Variants in MAML2 observed in about 807,000 individuals in gnomAD.
MAML2 encodes the protein mastermind-like protein 2.
MAML2 carries 22 observed loss-of-function variants against 96.1 expected under a neutral mutation model. That is an observed-to-expected ratio of 0.23 (90% CI 0.16 to 0.33). MAML2 has a LOEUF of 0.33. Ranked by LOEUF, MAML2 falls within the 10% of genes least tolerant of loss-of-function variation. The pLI is 1.00. For missense variants in MAML2, 1,367 were observed against 1,392.4 expected (o/e 0.98, Z 0.29); for synonymous variants, 561 against 521.3 (o/e 1.08, Z -1.04).
At position 96,092,210 on chromosome 11, in the gene MAML2, TTGC is replaced by T. The variant is rs60727839; in HGVS notation, c.1818_1820del (p.Gln621del). The T allele has an allele frequency of 0.013, 19,390 of 1,459,288 alleles. 68 individuals are homozygous for T. The highest frequency in any genetic ancestry group is 0.037 in the South Asian group (2,965 of 80,974). 90.4% of individuals were successfully genotyped at this position (1,459,288 alleles called of 1,614,324 possible). On this transcript the variant is annotated inframe_deletion, in exon 2 of 5. Coordinates refer to ENST00000524717, the MANE Select transcript of MAML2 (RefSeq NM_032427.4). The surrounding 1 kb of genome is among the most constrained non-coding windows in gnomAD (Gnocchi z 4.1). The stretch of plus-strand genomic sequence containing the variant: ...GTTGCTGTTGCTGCTGCTGCTGCTG[TTGC>T]TGCTGCTGCTGCTGCTGCTGCTGCT...
intron 2 of MAML2, among the ~76,000 whole-genome samples, chr11:96,013,991 G>A (rs768095465): frequency 1.7e-4 from 26 of 152,144 alleles, no homozygotes; most frequent in African/African-American, 4.3e-4. Flanking sequence ...AAGAGAGCAC[G>A]CTGTAACACA....
intron 2 of MAML2, among the ~76,000 whole-genome samples, chr11:96,030,402 A>G (rs564154136): frequency 3.5e-4 from 53 of 152,270 alleles, no homozygotes; most frequent in African/African-American, 1.2e-3. Context: ...TGAATAGATA[A>G]ACAGAATAGA....
At chr11:96,164,026 AT>A (rs1194156326) in intron 1 of MAML2, among the ~76,000 whole-genome samples, 1 of 148,322 alleles carries the variant, frequency 6.7e-6, no homozygotes, top group Non-Finnish European at 1.5e-5. Flanking sequence ...ACGCCTGGCT[AT>A]TTTTTTTTGT....
intron 1 of MAML2, among the ~76,000 whole-genome samples, chr11:96,191,426 C>T (rs1213749462): frequency 6.6e-6 from 1 of 150,390 alleles, no homozygotes; most frequent in Non-Finnish European, 1.5e-5. Flanking sequence ...GACCACACCA[C>T]TGCACTCCAG....
At chr11:96,054,043 T>A (rs1366800165) in intron 2 of MAML2, among the ~76,000 whole-genome samples, 2 of 152,150 alleles carry the variant, frequency 1.3e-5, no homozygotes, top group African/African-American at 4.8e-5. Context: ...AAATGAACAA[T>A]CTTACTTACA....
chr11:96,280,204 G>C, intron 1 of MAML2, among the ~76,000 whole-genome samples: 1 of 152,138 alleles, frequency 6.6e-6, no homozygotes, highest in East Asian at 1.9e-4. Flanking sequence ...GTAGTTGGTA[G>C]GTGGAATAAA....
Position 95,979,100 on chromosome 11 carries a change from C to T in MAML2, c.3319G>A (p.Ala1107Thr). The T allele has an allele frequency of 6.2e-7, 1 of 1,614,026 alleles. No homozygotes were observed. The highest frequency in any genetic ancestry group is 8.5e-7 in the Non-Finnish European group (1 of 1,179,902). Reference sequence around the variant, plus strand: ...TTTTGTTGGCTGAGGAAGTCAAAAGCTAAGTCACTGCTGTGGTCAGTTCCT... The same window carrying T: ...TTTTGTTGGCTGAGGAAGTCAAAAGTTAAGTCACTGCTGTGGTCAGTTCCT... ...FQGTDHSSDL[A>T]FDFLSQQNDN... The change falls in exon 5 of 5, where the codon GCT (alanine) becomes ACT (threonine). Residue 1107 changes from alanine (A) to threonine (T), a missense_variant. Ala to Thr is a moderately conservative substitution (Grantham distance 58). Transcript: ENST00000524717.
At chr11:96,237,760 G>A (rs1030980368) in intron 1 of MAML2, among the ~76,000 whole-genome samples, 5 of 152,100 alleles carry the variant, frequency 3.3e-5, no homozygotes, top group South Asian at 2.1e-4. Flanking sequence ...TTTTATGCAC[G>A]CCTACTTTCT....
At chr11:96,147,931 C>T (rs368521071) in intron 1 of MAML2, among the ~76,000 whole-genome samples, 34 of 152,280 alleles carry the variant, frequency 2.2e-4, no homozygotes, top group African/African-American at 7.7e-4. Context: ...ACATCACCTG[C>T]CACTCTGAAA....
At chr11:96,259,348 T>C (rs1565265206) in intron 1 of MAML2, among the ~76,000 whole-genome samples, 1 of 152,204 alleles carries the variant, frequency 6.6e-6, no homozygotes. Flanking sequence ...CTTGCAACCG[T>C]AAGTCATTCT....
Position 96,093,393 on chromosome 11 carries a change from G to C in MAML2, c.638C>G (p.Ser213Cys). ...TATTTGGAGGCCACCTTGTCCTGCAGAGAGATTCTCCCCAACACGAATTCT... is the reference window on the plus strand; with the variant it reads ...TATTTGGAGGCCACCTTGTCCTGCACAGAGATTCTCCCCAACACGAATTCT... Reference protein sequence around the residue: ...IKRIRVGENLSAGQGGLQINN... With the variant: ...IKRIRVGENLCAGQGGLQINN... The change falls in exon 2 of 5, where the codon TCT (serine) becomes TGT (cysteine). Residue 213 changes from serine (S) to cysteine (C), a missense_variant. By Grantham distance (112) the Ser-to-Cys change is moderately radical. Coordinates refer to ENST00000524717, the MANE Select transcript of MAML2 (RefSeq NM_032427.4). 1 of 1,614,050 alleles carries C rather than the reference G, an allele frequency of 6.2e-7. No individual in the cohort carries two copies. Among genetic ancestry groups the C allele is most frequent in the Non-Finnish European group, 8.5e-7 (1 of 1,179,906 alleles).
chr11:95,997,314 G>A (rs76666106), intron 2 of MAML2, among the ~76,000 whole-genome samples: 31 of 152,146 alleles, frequency 2.0e-4, no homozygotes, highest in African/African-American at 6.0e-4. Context: ...GTGTGCATGC[G>A]CATTTGAGAT....
chr11:96,129,049 A>G (rs931938241), intron 1 of MAML2, among the ~76,000 whole-genome samples: 1 of 152,214 alleles, frequency 6.6e-6, no homozygotes, highest in Non-Finnish European at 1.5e-5. Context: ...CATTAGCCAG[A>G]TTAGCCATCT....
At chr11:96,163,699 C>T (rs1177883951) in intron 1 of MAML2, among the ~76,000 whole-genome samples, 2 of 152,190 alleles carry the variant, frequency 1.3e-5, no homozygotes, top group Non-Finnish European at 2.9e-5. Context: ...TTGTCCAAAC[C>T]TTTGGTACTG....
chr11:96,096,067 A>C (rs974138626), intron 1 of MAML2, among the ~76,000 whole-genome samples: 1 of 152,216 alleles, frequency 6.6e-6, no homozygotes, highest in Non-Finnish European at 1.5e-5. Flanking sequence ...CTTCTGATTT[A>C]TTTCAGCATA....
In MAML2 at chr11:96,257,220, T is replaced by A. The variant is rs571338520; in HGVS notation, c.513+84163A>T. Among the ~76,000 whole-genome samples, 26 of 152,378 alleles carry A rather than the reference T, an allele frequency of 1.7e-4. No homozygotes were observed. The South Asian group carries it at 5.2e-3, about 30-fold the overall frequency. The stretch of plus-strand genomic sequence containing the variant: ...AATTTCCTGTAGCCCATCCACTCCA[T>A]GAAGCAAGAGATAACTGGTTTGCAT... On this transcript the variant is annotated intron_variant, in intron 1 of 4. Coordinates refer to ENST00000524717, the MANE Select transcript of MAML2 (RefSeq NM_032427.4).
intron 1 of MAML2, among the ~76,000 whole-genome samples, chr11:96,276,075 T>C (rs1348808951): frequency 6.6e-6 from 1 of 152,216 alleles, no homozygotes; most frequent in African/African-American, 2.4e-5. Context: ...TGAGGGGATT[T>C]TGCTATCTCA....
intron 1 of MAML2, among the ~76,000 whole-genome samples, chr11:96,303,726 T>A (rs375870087): frequency 1.7e-4 from 26 of 151,908 alleles, no homozygotes; most frequent in East Asian, 7.7e-4. Context: ...TTTAAGAAAA[T>A]GAGTTCTTAA....
At position 96,293,807 on chromosome 11, in the gene MAML2, C is replaced by CT. The variant is rs1863248951; in HGVS notation, c.513+47575dup. Among the ~76,000 whole-genome samples the CT allele has an allele frequency of 2.6e-5, 4 of 152,288 alleles. No individual in the cohort carries two copies. The South Asian group carries it at 8.3e-4, about 32-fold the overall frequency. On this transcript the variant is annotated intron_variant, in intron 1 of 4. Coordinates refer to ENST00000524717, the MANE Select transcript of MAML2 (RefSeq NM_032427.4). ...GATTGGTCAACGTTTCACATAAAGA[C>CT]TGAAAGACTGAAGATTTTATACATG...
Sources: gnomAD v4.1 joint callset for allele counts (sites outside exome capture counted in the v4.1 genomes callset) on GRCh38, gnomAD v4.1.1 for gene constraint, Gnocchi (gnomAD v3.1) non-coding constraint, MANE v1.5 for transcripts, NCBI Gene and HGNC (gene_info 2026-07-23, HGNC 2026-07-21) for gene names.